SH3TC2: variants seen among roughly 807,000 people sequenced by gnomAD.
SH3TC2 encodes SH3 domain and tetratricopeptide repeat-containing protein 2.
A neutral mutation model predicts 124.5 loss-of-function variants in SH3TC2; 87 were observed. The observed-to-expected ratio is 0.70, with a 90% CI of 0.59 to 0.84. The LOEUF is 0.84. Ranked by LOEUF, SH3TC2 falls within the 40% of genes least tolerant of loss-of-function variation. The pLI, the probability that SH3TC2 is intolerant of heterozygous loss-of-function variation, is 0.00. For missense variants in SH3TC2, 1,536 were observed against 1,566.4 expected (o/e 0.98, Z 0.33); for synonymous variants, 634 against 628.5 (o/e 1.01, Z -0.13).
intron 3 of SH3TC2, 125 bp downstream of exon 3, chr5:149,047,737 G>T: frequency 1.6e-6 from 2 of 1,220,146 alleles, no homozygotes; most frequent in Non-Finnish European, 1.2e-6. Flanking sequence ...CATTCATTCA[G>T]TCTACCTATT....
In SH3TC2 at chr5:149,007,193, G is replaced by A; in HGVS notation, c.3479-116C>T. The A allele has an allele frequency of 7.5e-6, 7 of 937,508 alleles. No individual in the cohort carries two copies. In the South Asian group the frequency reaches 9.4e-5, roughly 13 times the overall value. 58.1% of individuals were successfully genotyped at this position (937,508 alleles called of 1,614,324 possible). On this transcript the variant is annotated intron_variant, in intron 15 of 16. Coordinates refer to ENST00000515425, the MANE Select transcript of SH3TC2 (RefSeq NM_024577.4). ...TACTAGATGTCAGGGACTGTGCTGG[G>A]GCATAGGAAATAAGACAGAAGAGGT...
chr5:149,030,326 T>C (rs1215533602), intron 9 of SH3TC2, among the ~76,000 whole-genome samples: 1 of 152,244 alleles, frequency 6.6e-6, no homozygotes, highest in Non-Finnish European at 1.5e-5. Context: ...TGGGGCAGCC[T>C]GCACAACCAT....
At position 148,989,792 on chromosome 5, in the gene SH3TC2, G is replaced by A. The variant is rs2127387897; in HGVS notation, c.*14919C>T. ...AGGGACCCAAGAGCTTCAACAATCT[G>A]GTATTCAGAAGCAGCTGGAATGAAC... On this transcript the variant is annotated 3_prime_UTR_variant, in exon 17 of 17. Transcript: ENST00000515425. 6.6e-6 allele frequency among the ~76,000 whole-genome samples: 1 copy of A among 152,230 alleles called. No individual in the cohort carries two copies. Among genetic ancestry groups the A allele is most frequent in the Non-Finnish European group, 1.5e-5 (1 of 68,030 alleles).
intron 12 of SH3TC2, among the ~76,000 whole-genome samples, chr5:149,024,216 T>G (rs1561763321): frequency 6.6e-6 from 1 of 152,154 alleles, no homozygotes; most frequent in Non-Finnish European, 1.5e-5. Context: ...GTCATAATCA[T>G]CAGTAGCCAT....
chr5:149,041,053 G>A (rs1353201547), intron 6 of SH3TC2, among the ~76,000 whole-genome samples: 8 of 152,080 alleles, frequency 5.3e-5, no homozygotes, highest in Non-Finnish European at 1.2e-4. Flanking sequence ...AGTGTGAAAA[G>A]CATCTCCTAG....
chr5:149,012,060 C>T (rs1247324221), intron 13 of SH3TC2, among the ~76,000 whole-genome samples: 1 of 152,190 alleles, frequency 6.6e-6, no homozygotes, highest in Admixed American at 6.5e-5. Flanking sequence ...CAAAGTCACA[C>T]AGTCAGTCCA....
At position 148,986,820 on chromosome 5, in the gene SH3TC2, C is replaced by T. The variant is rs1475792804; in HGVS notation, c.*17891G>A. Among the ~76,000 whole-genome samples the T allele has an allele frequency of 6.6e-6, 1 of 152,128 alleles. No homozygotes were observed. On this transcript the variant is annotated 3_prime_UTR_variant, in exon 17 of 17. Coordinates refer to ENST00000515425, the MANE Select transcript of SH3TC2 (RefSeq NM_024577.4). ...CCCAGTCCTGTTCTGTCTTGCTCCTCCAAGGGACACGTTGTATAAACAGCA... is the reference window on the plus strand; with the variant it reads ...CCCAGTCCTGTTCTGTCTTGCTCCTTCAAGGGACACGTTGTATAAACAGCA...
At chr5:149,028,739 G>C (rs1310794937) in intron 9 of SH3TC2, 21 bp from the exon 10 acceptor site, 1 of 1,614,018 alleles carries the variant, frequency 6.2e-7, no homozygotes, top group Non-Finnish European at 8.5e-7. Context: ...ATGAAGAACA[G>C]GTCTGGTGTT....
chr5:149,010,612 G>A (rs911079514), intron 13 of SH3TC2, among the ~76,000 whole-genome samples: 2 of 152,088 alleles, frequency 1.3e-5, no homozygotes, highest in Non-Finnish European at 2.9e-5. Flanking sequence ...TTTTGGTGGT[G>A]CTAGATTATT....
intron 2 of SH3TC2, 94 bp from the exon 3 acceptor site, chr5:149,048,083 C>G (rs1754497681): frequency 9.1e-6 from 14 of 1,546,296 alleles, no homozygotes; most frequent in Non-Finnish European, 1.2e-5. Flanking sequence ...ACATGTATAC[C>G]TGAACCCTCA....
intron 13 of SH3TC2, among the ~76,000 whole-genome samples, chr5:149,012,334 C>T (rs190918793): frequency 3.0e-4 from 45 of 152,272 alleles, no homozygotes; most frequent in African/African-American, 9.6e-4. Flanking sequence ...TGAGACTCCC[C>T]TCACATCCTC....
intron 8 of SH3TC2, among the ~76,000 whole-genome samples, chr5:149,036,627 G>A (rs1754287433): frequency 6.6e-6 from 1 of 152,184 alleles, no homozygotes; most frequent in South Asian, 2.1e-4. Flanking sequence ...AAGTTCCAGA[G>A]GGAAGGCCTT....
At position 149,027,966 on chromosome 5, in the gene SH3TC2, G is replaced by A. The variant is rs929047654; in HGVS notation, c.1766C>T (p.Ser589Phe). ...GGCACCTGCCTTTTCCAACAGGGCG[G>A]AGCCTTTATGTCTCAGCCTCTGTTT... ...YLKQRLRHKG[S>F]ALLEKAGALL... The change falls in exon 11 of 17, where the codon TCC (serine) becomes TTC (phenylalanine). Residue 589 changes from serine to phenylalanine, a missense_variant. Ser to Phe is a radical substitution (Grantham distance 155). Around this residue, in one of 3 missense-constraint regions of SH3TC2, gnomAD observed 1,102 missense variants for 1,098.6 expected, o/e 1.00. Coordinates refer to ENST00000515425, the MANE Select transcript of SH3TC2 (RefSeq NM_024577.4). 6 of 1,614,054 alleles carry A rather than the reference G, an allele frequency of 3.7e-6. No homozygotes were observed. Among genetic ancestry groups the A allele is most frequent in the Non-Finnish European group, 5.1e-6 (6 of 1,180,052 alleles).
At position 149,047,859 on chromosome 5, in the gene SH3TC2, C is replaced by T. The variant is rs1346741318; in HGVS notation, c.279+3G>A. 4.3e-6 allele frequency: 7 copies of T among 1,613,992 alleles called. No individual in the cohort carries two copies. The highest frequency in any genetic ancestry group is 5.9e-6 in the Non-Finnish European group (7 of 1,179,938). On this transcript the variant is annotated splice_donor_region_variant and intron_variant, in intron 3 of 16. Transcript: ENST00000515425. ...AGCATTCACCTGTTTCCTTCATGCT[C>T]ACCTTAAACAGCATGCGCACCTCCT... is the stretch of plus-strand genomic sequence containing the variant.
chr5:149,036,469 G>A (rs992445490), intron 8 of SH3TC2, among the ~76,000 whole-genome samples: 1 of 152,068 alleles, frequency 6.6e-6, no homozygotes, highest in Non-Finnish European at 1.5e-5. Flanking sequence ...CATCCTCCAG[G>A]GTTCTTCCCC....
Position 149,012,652 on chromosome 5 carries a change from C to T in SH3TC2, c.3136G>A (p.Ala1046Thr). The T allele has an allele frequency of 6.2e-7, 1 of 1,614,166 alleles. No individual in the cohort carries two copies. Residue 1046 changes from alanine to threonine, a missense_variant, in exon 13 of 17, where the codon GCC (alanine) becomes ACC (threonine). By Grantham distance (58) the Ala-to-Thr change is moderately conservative. This residue lies in a region of SH3TC2 where 426 missense variants were observed against 443.5 expected (regional missense o/e 0.96). Transcript: ENST00000515425. ...TGGAGTCGCCCCGCCCCAAGCCAGG[C>T]CTCAGCAGCCTTGTCTGTCTCCCCC... The part of the protein sequence containing the change: ...DLGETDKAAE[A>T]WLGAGRLHYL...
chr5:149,018,589 A>G (rs747201191), intron 12 of SH3TC2, among the ~76,000 whole-genome samples: 14 of 152,136 alleles, frequency 9.2e-5, no homozygotes, highest in Non-Finnish European at 1.6e-4. Context: ...TGAGAAGAGT[A>G]TGGGGGAAAC....
chr5:149,050,472 G>A (rs1754537811), intron 2 of SH3TC2, among the ~76,000 whole-genome samples: 1 of 152,146 alleles, frequency 6.6e-6, no homozygotes. Flanking sequence ...AGTTCAGCCC[G>A]AGGTCAGTTC....
intron 8 of SH3TC2, chr5:149,034,485 G>C (rs1311996615): frequency 2.4e-6 from 1 of 415,120 alleles, no homozygotes; most frequent in South Asian, 1.8e-5. Context: ...ATTGAAGAAA[G>C]ACATGAATCT....
Sources: allele counts gnomAD v4.1 joint callset (sites outside exome capture counted in the v4.1 genomes callset), GRCh38; gene constraint gnomAD v4.1.1; regional missense constraint gnomAD v4.1.1; transcripts MANE v1.5; gene names NCBI Gene and HGNC (gene_info 2026-07-23, HGNC 2026-07-21).